SDC2: variants seen among roughly 807,000 people sequenced by gnomAD.
The protein encoded by SDC2 is syndecan-2.
Under a neutral mutation model 22.2 loss-of-function variants are expected in SDC2, and 13 were observed. The observed-to-expected ratio is 0.59, with a 90% CI of 0.38 to 0.93. SDC2 has a LOEUF of 0.93. SDC2 is among the 40% of genes least tolerant of loss of function. The probability of loss-of-function intolerance (pLI) is 0.00; values close to 1 mark genes in which losing one functional copy is unlikely to be tolerated. For missense variants in SDC2, 235 were observed against 246.8 expected (o/e 0.95, Z 0.32); for synonymous variants, 94 against 92.8 (o/e 1.01, Z -0.07).
At chr8:96,583,268 G>A (rs932477779) in intron 1 of SDC2, among the ~76,000 whole-genome samples, 21 of 124,364 alleles carry the variant, frequency 1.7e-4, no homozygotes, top group African/African-American at 6.7e-4. Context: ...ACTTGCTTTA[G>A]ATTTATATAT....
chr8:96,496,102 G>A (rs1243569507), intron 1 of SDC2, among the ~76,000 whole-genome samples: 2 of 152,138 alleles, frequency 1.3e-5, no homozygotes, highest in East Asian at 3.8e-4. Context: ...TGGTTAAGGA[G>A]GCCCTTTTTT....
intron 1 of SDC2, among the ~76,000 whole-genome samples, chr8:96,511,180 A>G (rs1813321881): frequency 6.6e-6 from 1 of 152,194 alleles, no homozygotes; most frequent in East Asian, 1.9e-4. Context: ...CCTCTGAGCT[A>G]CGGTTCTCAC....
chr8:96,591,196 A>G (rs941322228), intron 1 of SDC2, among the ~76,000 whole-genome samples: 6 of 152,252 alleles, frequency 3.9e-5, no homozygotes, highest in Non-Finnish European at 7.3e-5. Context: ...TGCCACATCA[A>G]ACTTCATTGA....
chr8:96,609,382 C>T lies in SDC2; in HGVS notation c.443-3C>T. The stretch of plus-strand genomic sequence containing the variant: ...AAAGTAATCTTCCTTTTGGTTGTTT[C>T]AGCTGTCATTGCTGGTGGAGTTATT... On this transcript the variant is annotated splice_polypyrimidine_tract_variant and splice_region_variant and intron_variant, in intron 4 of 4. Coordinates refer to ENST00000302190, the MANE Select transcript of SDC2 (RefSeq NM_002998.4). The T allele has an allele frequency of 6.2e-7, 1 of 1,607,816 alleles. No homozygotes were observed. The highest frequency in any genetic ancestry group is 8.5e-7 in the Non-Finnish European group (1 of 1,177,044).
At chr8:96,505,709 A>G (rs760055166) in intron 1 of SDC2, among the ~76,000 whole-genome samples, 10 of 152,286 alleles carry the variant, frequency 6.6e-5, no homozygotes, top group African/African-American at 9.6e-5. Context: ...TGGTGTTTTG[A>G]TTTGATTATT....
At chr8:96,530,415 C>G (rs1813642059) in intron 1 of SDC2, among the ~76,000 whole-genome samples, 1 of 152,194 alleles carries the variant, frequency 6.6e-6, no homozygotes, top group African/African-American at 2.4e-5. Flanking sequence ...AGGTGCATCA[C>G]CTGAGATCAG....
chr8:96,581,685 G>A (rs1814593111), intron 1 of SDC2, among the ~76,000 whole-genome samples: 2 of 152,084 alleles, frequency 1.3e-5, no homozygotes, highest in South Asian at 4.1e-4. Context: ...GCAGGATGCT[G>A]GAATGTCTTC....
chr8:96,567,444 AT>A (rs1814318551), intron 1 of SDC2, among the ~76,000 whole-genome samples: 1 of 152,160 alleles, frequency 6.6e-6, no homozygotes, highest in Non-Finnish European at 1.5e-5. Context: ...ATTTTAGTGC[AT>A]TTGTCACCTG....
intron 1 of SDC2, among the ~76,000 whole-genome samples, chr8:96,581,579 C>A (rs1814590537): frequency 6.6e-6 from 1 of 151,920 alleles, no homozygotes; most frequent in Non-Finnish European, 1.5e-5. Flanking sequence ...TTGCAGTGAG[C>A]CGAGATTGCA....
At chr8:96,589,187 G>C (rs1814735506) in intron 1 of SDC2, among the ~76,000 whole-genome samples, 1 of 152,100 alleles carries the variant, frequency 6.6e-6, no homozygotes, top group South Asian at 2.1e-4. Context: ...CACCATCGCT[G>C]TCCTCAATTT....
Position 96,568,310 on chromosome 8 carries a change from G to C in SDC2, c.61-25170G>C, listed in dbSNP as rs981390426. Among the ~76,000 whole-genome samples, 19 of 152,220 alleles carry C rather than the reference G, an allele frequency of 1.2e-4. 1 individual carries two copies. Among genetic ancestry groups the C allele is most frequent in the African/African-American group, 4.6e-4 (19 of 41,462 alleles). ...GAGTAAGATTGTTGGCCAACCCAAA[G>C]AGTTGGTTTAAACAAAAGTGGGGAA... is the stretch of plus-strand genomic sequence containing the variant. On this transcript the variant is annotated intron_variant, in intron 1 of 4. Transcript: ENST00000302190.
intron 3 of SDC2, 98 bp from the exon 4 acceptor site, chr8:96,608,237 T>C (rs1815115483): frequency 5.4e-6 from 6 of 1,120,790 alleles, no homozygotes; most frequent in Admixed American, 2.4e-5. Flanking sequence ...ACTCATTCTT[T>C]GGGGGAAAAA....
chr8:96,512,135 C>A (rs1563643326), intron 1 of SDC2, among the ~76,000 whole-genome samples: 1 of 152,210 alleles, frequency 6.6e-6, no homozygotes, highest in African/African-American at 2.4e-5. Flanking sequence ...ATGTCACTTA[C>A]ACTTATATCC....
At chr8:96,604,281 GA>G (rs1409379941) in intron 3 of SDC2, among the ~76,000 whole-genome samples, 1 of 152,156 alleles carries the variant, frequency 6.6e-6, no homozygotes, top group South Asian at 2.1e-4. Context: ...TGGTTTTAAG[GA>G]AGTAATTGCA....
At chr8:96,565,230 G>A (rs763421728) in intron 1 of SDC2, among the ~76,000 whole-genome samples, 4 of 150,592 alleles carry the variant, frequency 2.7e-5, no homozygotes, top group African/African-American at 4.9e-5. Flanking sequence ...GACTACAGGC[G>A]TGCGCCACCA....
intron 1 of SDC2, among the ~76,000 whole-genome samples, chr8:96,539,990 T>C (rs1586288730): frequency 6.6e-6 from 1 of 152,154 alleles, no homozygotes; most frequent in Non-Finnish European, 1.5e-5. Context: ...GTTAACTTGG[T>C]TGGGAAAATG....
intron 2 of SDC2, among the ~76,000 whole-genome samples, chr8:96,599,864 G>C (rs979768667): frequency 2.0e-5 from 3 of 152,154 alleles, no homozygotes; most frequent in Non-Finnish European, 4.4e-5. Flanking sequence ...CCAGGAGCCG[G>C]GCACAGTGCC....
chr8:96,549,658 A>G (rs1329290726), intron 1 of SDC2, among the ~76,000 whole-genome samples: 1 of 152,198 alleles, frequency 6.6e-6, no homozygotes, highest in Non-Finnish European at 1.5e-5. Context: ...ATCAAGGAAA[A>G]TGTGGTTCTG....
At chr8:96,546,055 A>T (rs1214010015) in intron 1 of SDC2, among the ~76,000 whole-genome samples, 1 of 152,120 alleles carries the variant, frequency 6.6e-6, no homozygotes, top group East Asian at 1.9e-4. Flanking sequence ...AAAGGAGTTC[A>T]CTCCTCTGTA....
Sources: gnomAD v4.1 joint callset for allele counts (sites outside exome capture counted in the v4.1 genomes callset) on GRCh38, gnomAD v4.1.1 for gene constraint, MANE v1.5 for transcripts, NCBI Gene and HGNC (gene_info 2026-07-23, HGNC 2026-07-21) for gene names.